The following CATSPERE variants were observed in gnomAD, a reference collection of about 807,000 sequenced individuals.
The protein encoded by CATSPERE is catsper channel auxiliary subunit epsilon, also known as cation channel sperm-associated auxiliary subunit epsilon.
CATSPERE carries 93 observed loss-of-function variants against 114.1 expected under a neutral mutation model. The observed-to-expected ratio is 0.81, with a 90% CI of 0.69 to 0.97. CATSPERE has a LOEUF of 0.97. CATSPERE is among the 50% of genes least tolerant of loss of function. The pLI is 0.00. For missense variants in CATSPERE, 1,058 were observed against 1,131.6 expected (o/e 0.93, Z 0.93); for synonymous variants, 341 against 384.1 (o/e 0.89, Z 1.31).
upstream of CATSPERE, among the ~76,000 whole-genome samples, chr1:244,461,041 C>T (rs137986614): frequency 7.7e-3 from 1,171 of 152,362 alleles, 5 homozygotes; most frequent in Non-Finnish European, 0.013. Flanking sequence ...AGACACACTA[C>T]CTTAAAAGTT....
intron 19 of CATSPERE, among the ~76,000 whole-genome samples, chr1:244,611,972 A>G (rs1174457407): frequency 9.9e-5 from 15 of 152,206 alleles, no homozygotes. Context: ...CTAATTCAGC[A>G]GGTCTTGGTT....
At chr1:244,487,438 G>A (rs955453245) in intron 5 of CATSPERE, among the ~76,000 whole-genome samples, 3 of 152,116 alleles carry the variant, frequency 2.0e-5, no homozygotes, top group African/African-American at 7.2e-5. Flanking sequence ...CTCAACCCCC[G>A]AGGGTATTGC....
At chr1:244,452,017 T>G, upstream of CATSPERE, 2 of 455,750 alleles carry the variant, frequency 4.4e-6, no homozygotes, top group Middle Eastern at 6.3e-4. Flanking sequence ...GTACCATGAC[T>G]GCCCCGCGCA....
chr1:244,631,799 C>G (rs1208560252), intron 20 of CATSPERE, among the ~76,000 whole-genome samples: 1 of 152,180 alleles, frequency 6.6e-6, no homozygotes, highest in Non-Finnish European at 1.5e-5. Context: ...CTGACAATAT[C>G]AAATCTGACA....
At chr1:244,456,405 C>T (rs186566565), upstream of CATSPERE, among the ~76,000 whole-genome samples, 5 of 152,166 alleles carry the variant, frequency 3.3e-5, no homozygotes, top group East Asian at 9.6e-4. Flanking sequence ...GGTGCTGAAT[C>T]TTCTCTCTGG....
intron 8 of CATSPERE, among the ~76,000 whole-genome samples, 172 bp from the exon 9 acceptor site, chr1:244,552,150 G>A (rs1302940654): frequency 6.7e-6 from 1 of 150,106 alleles, no homozygotes; most frequent in Non-Finnish European, 1.5e-5. Flanking sequence ...TGTTCCTTTG[G>A]GACCAGAGTG....
At chr1:244,479,939 G>A (rs1670001843) in intron 5 of CATSPERE, among the ~76,000 whole-genome samples, 155 bp downstream of exon 5, 1 of 152,170 alleles carries the variant, frequency 6.6e-6, no homozygotes, top group Non-Finnish European at 1.5e-5. Context: ...AAGAAATACT[G>A]AAGAACAAAC....
chr1:244,552,599 A>G lies in CATSPERE; in HGVS notation c.814A>G (p.Ile272Val). ...TTDSFKSWTR[I>V]RVPPDILSDD... ...TGATTCATTCAAATCTTGGACCAGA[A>G]TCAGAGTGCCTCCAGACATTCTGAG... The change falls in exon 9 of 22, where the codon ATC (isoleucine) becomes GTC (valine). Residue 272 changes from isoleucine (I) to valine (V), a missense_variant. Physicochemically the swap from Ile to Val is conservative, Grantham distance 29 (BLOSUM62 3). This residue lies in a region of CATSPERE where 787 missense variants were observed against 905.6 expected (regional missense o/e 0.87). Transcript: ENST00000366534. 1.2e-6 allele frequency: 2 copies of G among 1,614,184 alleles called. No homozygotes were observed. The highest frequency in any genetic ancestry group is 1.1e-5 in the South Asian group (1 of 91,086).
At chr1:244,480,097 T>C (rs1670022886) in intron 5 of CATSPERE, among the ~76,000 whole-genome samples, 1 of 152,198 alleles carries the variant, frequency 6.6e-6, no homozygotes, top group African/African-American at 2.4e-5. Context: ...GTTAAACAAT[T>C]TGGAAAAAGT....
At chr1:244,569,260 G>A (rs932761816) in intron 10 of CATSPERE, among the ~76,000 whole-genome samples, 1 of 152,206 alleles carries the variant, frequency 6.6e-6, no homozygotes, top group African/African-American at 2.4e-5. Context: ...TCTTCCGTGG[G>A]CTGCACCCAC....
upstream of CATSPERE, among the ~76,000 whole-genome samples, chr1:244,452,358 A>G (rs971294258): frequency 2.6e-5 from 4 of 152,238 alleles, no homozygotes; most frequent in Non-Finnish European, 5.9e-5. Context: ...TGTCTTTATT[A>G]AGGAATGAAT....
At chr1:244,476,883 T>A (rs2148144897) in intron 2 of CATSPERE, among the ~76,000 whole-genome samples, 1 of 152,364 alleles carries the variant, frequency 6.6e-6, no homozygotes, top group East Asian at 1.9e-4. Context: ...GATCTCAGAA[T>A]TAAAAGTGAC....
At chr1:244,604,023 A>G (rs113479497) in intron 17 of CATSPERE, among the ~76,000 whole-genome samples, 241 of 152,324 alleles carry the variant, frequency 1.6e-3, no homozygotes, top group African/African-American at 5.4e-3. Context: ...ATAATTCAAT[A>G]GTCTGATGAC....
At chr1:244,622,281 G>A (rs1054062307) in intron 20 of CATSPERE, among the ~76,000 whole-genome samples, 6 of 152,060 alleles carry the variant, frequency 3.9e-5, no homozygotes, top group African/African-American at 1.4e-4. Flanking sequence ...TCTATATGTG[G>A]TCCTGAAGCT....
At chr1:244,563,343 G>A (rs1662886578) in intron 10 of CATSPERE, among the ~76,000 whole-genome samples, 2 of 152,218 alleles carry the variant, frequency 1.3e-5, no homozygotes, top group African/African-American at 2.4e-5. Context: ...TTGCCACAGT[G>A]TCTTCCACAA....
At chr1:244,517,540 G>A (rs1430853588) in intron 7 of CATSPERE, among the ~76,000 whole-genome samples, 1 of 151,916 alleles carries the variant, frequency 6.6e-6, no homozygotes, top group Non-Finnish European at 1.5e-5. Context: ...AGGAGGAGGA[G>A]GTGGGTGGAT....
At chr1:244,589,426 T>A (rs967883929) in intron 14 of CATSPERE, among the ~76,000 whole-genome samples, 2 of 152,224 alleles carry the variant, frequency 1.3e-5, no homozygotes, top group South Asian at 4.1e-4. Flanking sequence ...CTAACATCTT[T>A]GCACCCGTAA....
intron 2 of CATSPERE, among the ~76,000 whole-genome samples, chr1:244,476,938 A>C (rs1669445680): frequency 6.6e-6 from 1 of 152,200 alleles, no homozygotes; most frequent in South Asian, 2.1e-4. Flanking sequence ...TTTGTTTTTT[A>C]ATCCTCAGAA....
At chr1:244,502,008 C>T (rs1674112060) in intron 7 of CATSPERE, among the ~76,000 whole-genome samples, 1 of 152,176 alleles carries the variant, frequency 6.6e-6, no homozygotes, top group Non-Finnish European at 1.5e-5. Flanking sequence ...TTCTTCATCT[C>T]AGTAACTTCT....
Sources: gnomAD v4.1 joint callset for allele counts (sites outside exome capture counted in the v4.1 genomes callset) on GRCh38, gnomAD v4.1.1 for gene constraint, gnomAD v4.1.1 regional missense constraint, MANE v1.5 for transcripts, NCBI Gene and HGNC (gene_info 2026-07-23, HGNC 2026-07-21) for gene names.